Variants in CTNNA3 observed in about 807,000 individuals in gnomAD.
CTNNA3 encodes catenin alpha 3, also known as catenin alpha-3.
Under a neutral mutation model 95.7 loss-of-function variants are expected in CTNNA3, and 76 were observed. That is an observed-to-expected ratio of 0.79 (90% CI 0.66 to 0.96). CTNNA3 has a LOEUF of 0.96. Ranked by LOEUF, CTNNA3 falls within the 40% of genes least tolerant of loss-of-function variation. The pLI is 0.00. For missense variants in CTNNA3, 1,191 were observed against 1,089.8 expected (o/e 1.09, Z -1.31); for synonymous variants, 431 against 374.4 (o/e 1.15, Z -1.74).
At chr10:67,031,951 C>T (rs918113270) in intron 7 of CTNNA3, among the ~76,000 whole-genome samples, 1 of 152,136 alleles carries the variant, frequency 6.6e-6, no homozygotes, top group Non-Finnish European at 1.5e-5. Context: ...TTAGCAATTA[C>T]TTTTTAATCT....
intron 7 of CTNNA3, among the ~76,000 whole-genome samples, chr10:66,822,235 C>T (rs1216897605): frequency 3.3e-5 from 5 of 151,774 alleles, no homozygotes; most frequent in East Asian, 1.9e-4. Flanking sequence ...GGTGATTCTA[C>T]GGATGACAAA....
chr10:66,738,467 T>G (rs1420466167), intron 9 of CTNNA3, among the ~76,000 whole-genome samples: 1 of 152,210 alleles, frequency 6.6e-6, no homozygotes, highest in African/African-American at 2.4e-5. Context: ...TAATCTCTTC[T>G]GTAGTGAATT....
chr10:67,519,727 C>T (rs1051341385), intron 5 of CTNNA3, among the ~76,000 whole-genome samples: 1 of 152,024 alleles, frequency 6.6e-6, no homozygotes, highest in African/African-American at 2.4e-5. Flanking sequence ...TATGGTTGGA[C>T]CAGGGAACAA....
chr10:67,290,492 A>G (rs1364832789), intron 5 of CTNNA3, among the ~76,000 whole-genome samples: 1 of 152,200 alleles, frequency 6.6e-6, no homozygotes, highest in African/African-American at 2.4e-5. Context: ...AATCATGGCT[A>G]ATATTTATGC....
At chr10:66,023,886 T>A (rs2079276378) in intron 15 of CTNNA3, among the ~76,000 whole-genome samples, 1 of 152,160 alleles carries the variant, frequency 6.6e-6, no homozygotes, top group Admixed American at 6.5e-5. Context: ...AGCTTTTATA[T>A]AACGGAGAAA....
intron 12 of CTNNA3, among the ~76,000 whole-genome samples, chr10:66,310,963 A>T (rs1483839746): frequency 6.6e-6 from 1 of 152,172 alleles, no homozygotes; most frequent in Non-Finnish European, 1.5e-5. Flanking sequence ...CTGGGATTAC[A>T]GGTGTGAGTA....
chr10:66,958,440 C>T (rs1848944531), intron 7 of CTNNA3, among the ~76,000 whole-genome samples: 1 of 135,294 alleles, frequency 7.4e-6, no homozygotes, highest in Non-Finnish European at 1.6e-5. Flanking sequence ...ATAGTTCTGC[C>T]TTTGTAGAAA....
chr10:66,718,160 TCATAG>T (rs566542177), intron 9 of CTNNA3, among the ~76,000 whole-genome samples: 84 of 151,420 alleles, frequency 5.5e-4, no homozygotes, highest in African/African-American at 1.9e-3. Context: ...CTGTTACTCA[TCATAG>T]CATTATCTAA....
chr10:66,926,993 T>C, intron 7 of CTNNA3: 1 of 1,614,172 alleles, frequency 6.2e-7, no homozygotes, highest in Non-Finnish European at 8.5e-7. Flanking sequence ...TTACTGACAA[T>C]GCTTTCTTCT....
At chr10:67,241,833 AGTG>A (rs1342263077) in intron 5 of CTNNA3, among the ~76,000 whole-genome samples, 3 of 152,246 alleles carry the variant, frequency 2.0e-5, no homozygotes, top group Non-Finnish European at 4.4e-5. Context: ...ATTAATAAAA[AGTG>A]GTGATGGTGA....
At chr10:67,571,531 C>T (rs1841975949) in intron 3 of CTNNA3, among the ~76,000 whole-genome samples, 1 of 152,146 alleles carries the variant, frequency 6.6e-6, no homozygotes, top group Non-Finnish European at 1.5e-5. Context: ...GGGTTCATTA[C>T]TAGATAACTT....
At chr10:65,969,099 T>C (rs1354041088) in intron 16 of CTNNA3, among the ~76,000 whole-genome samples, 2 of 152,122 alleles carry the variant, frequency 1.3e-5, no homozygotes, top group Admixed American at 1.3e-4. Flanking sequence ...TACAGGCTTG[T>C]AGGTGGAACT....
chr10:66,432,086 A>G (rs914419860), intron 11 of CTNNA3, among the ~76,000 whole-genome samples: 1 of 152,034 alleles, frequency 6.6e-6, no homozygotes, highest in Non-Finnish European at 1.5e-5. Context: ...TCGTAAAATA[A>G]TTCTGGATAT....
chr10:67,514,645 C>A (rs1429738214), intron 5 of CTNNA3, among the ~76,000 whole-genome samples: 13 of 151,394 alleles, frequency 8.6e-5, no homozygotes, highest in Non-Finnish European at 1.5e-4. Context: ...AAATAAGCAC[C>A]ATATTGATGC....
chr10:66,092,606 A>G (rs77070816), intron 14 of CTNNA3, among the ~76,000 whole-genome samples: 3,483 of 152,086 alleles, frequency 0.023, 138 homozygotes, highest in African/African-American at 0.078. Context: ...AGGTTCACTA[A>G]GTAGCAAGTA....
chr10:67,263,459 C>A (rs573270227), intron 5 of CTNNA3, among the ~76,000 whole-genome samples: 1 of 152,260 alleles, frequency 6.6e-6, no homozygotes, highest in Admixed American at 6.5e-5. Flanking sequence ...TTTGATATGA[C>A]AGTCCAAGGG....
chr10:67,464,387 CT>C (rs1319342429), intron 5 of CTNNA3, among the ~76,000 whole-genome samples: 1 of 152,112 alleles, frequency 6.6e-6, no homozygotes, highest in African/African-American at 2.4e-5. Flanking sequence ...AATTATCTTT[CT>C]TGTGACTTTT....
chr10:67,192,493 G>A (rs1316725735), intron 6 of CTNNA3, among the ~76,000 whole-genome samples: 1 of 151,808 alleles, frequency 6.6e-6, no homozygotes, highest in East Asian at 1.9e-4. Flanking sequence ...GGCCAATAGT[G>A]CATTAAAAGA....
intron 11 of CTNNA3, among the ~76,000 whole-genome samples, chr10:66,449,554 A>C (rs1366060171): frequency 2.6e-5 from 4 of 152,138 alleles, no homozygotes; most frequent in Non-Finnish European, 5.9e-5. Context: ...ATGTTAGTAA[A>C]ATATTTCAAA....
Sources: gnomAD v4.1 joint callset for allele counts (sites outside exome capture counted in the v4.1 genomes callset) on GRCh38, gnomAD v4.1.1 for gene constraint, MANE v1.5 for transcripts, NCBI Gene and HGNC (gene_info 2026-07-23, HGNC 2026-07-21) for gene names.